IL1RAPL1: variants seen among roughly 807,000 people sequenced by gnomAD.
The protein encoded by IL1RAPL1 is interleukin-1 receptor accessory protein-like 1.
IL1RAPL1 carries 3 observed loss-of-function variants against 48.4 expected under a neutral mutation model. The observed-to-expected ratio is 0.06, with a 90% CI of 0.03 to 0.16. The LOEUF (loss-of-function observed/expected upper bound fraction) is 0.16. Ranked by LOEUF, IL1RAPL1 falls within the 10% of genes least tolerant of loss-of-function variation. The probability of loss-of-function intolerance (pLI) is 1.00; values close to 1 mark genes in which losing one functional copy is unlikely to be tolerated. For missense variants in IL1RAPL1, 349 were observed against 530.6 expected, an observed-to-expected ratio of 0.66 and a Z score of 3.36; for synonymous variants, 185 against 187.7, an observed-to-expected ratio of 0.99 and a Z score of 0.12.
intron 5 of IL1RAPL1, among the ~76,000 whole-genome samples, chrX:29,627,657 C>G (rs1435241964): frequency 9.0e-6 from 1 of 111,581 alleles, no homozygotes; most frequent in East Asian, 2.8e-4. Context: ...TGGTGGTGTT[C>G]CATCACATTA....
At chrX:29,592,747 A>G (rs1021384846) in intron 5 of IL1RAPL1, among the ~76,000 whole-genome samples, 3 of 105,551 alleles carry the variant, frequency 2.8e-5, no homozygotes, top group Non-Finnish European at 5.8e-5. Context: ...AACTGCCAGC[A>G]TGATTCTGAG....
At chrX:29,951,084 G>A (rs759139147) in intron 9 of IL1RAPL1, among the ~76,000 whole-genome samples, 3 of 111,882 alleles carry the variant, frequency 2.7e-5, no homozygotes, top group Non-Finnish European at 5.6e-5. Flanking sequence ...TCCTTGAGAA[G>A]TCAGAGCAGC....
intron 6 of IL1RAPL1, among the ~76,000 whole-genome samples, chrX:29,861,871 G>A (rs912282251): frequency 1.8e-5 from 2 of 110,619 alleles, no homozygotes; most frequent in African/African-American, 6.6e-5. Context: ...GTTCAGTCTT[G>A]GTCCAATAAT....
At chrX:29,344,764 A>G (rs1036251919) in intron 3 of IL1RAPL1, among the ~76,000 whole-genome samples, 1 of 111,989 alleles carries the variant, frequency 8.9e-6, no homozygotes, top group Admixed American at 9.5e-5. Context: ...CAGCCTCCCC[A>G]GTAGCTGGGA....
chrX:29,677,389 T>G (rs1926316207), intron 6 of IL1RAPL1, among the ~76,000 whole-genome samples: 1 of 112,036 alleles, frequency 8.9e-6, no homozygotes, highest in Admixed American at 9.5e-5. Flanking sequence ...GATTTTCGAT[T>G]AGCAGTGGCT....
chrX:28,625,624 G>A (rs1934331807), intron 1 of IL1RAPL1, among the ~76,000 whole-genome samples: 1 of 111,538 alleles, frequency 9.0e-6, no homozygotes, highest in African/African-American at 3.3e-5. Flanking sequence ...GGTCATGGGA[G>A]GAGATCCTTC....
intron 2 of IL1RAPL1, among the ~76,000 whole-genome samples, chrX:29,224,024 C>T (rs1931033628): frequency 9.0e-6 from 1 of 111,358 alleles, no homozygotes; most frequent in African/African-American, 3.3e-5. Flanking sequence ...TATTGTAATA[C>T]CTTGCATATT....
At chrX:29,246,886 G>GTGTA (rs1931523884) in intron 2 of IL1RAPL1, among the ~76,000 whole-genome samples, 1 of 111,088 alleles carries the variant, frequency 9.0e-6, no homozygotes, top group East Asian at 2.8e-4. Flanking sequence ...AAGCTGTTGT[G>GTGTA]TGTATATTTA....
intron 5 of IL1RAPL1, among the ~76,000 whole-genome samples, chrX:29,406,346 G>A (rs941884629): frequency 1.8e-5 from 2 of 108,622 alleles, no homozygotes; most frequent in Non-Finnish European, 3.8e-5. Context: ...CCGAAATCGC[G>A]ACACTGCACT....
At chrX:29,644,741 A>G (rs761819901) in intron 5 of IL1RAPL1, among the ~76,000 whole-genome samples, 4 of 111,243 alleles carry the variant, frequency 3.6e-5, no homozygotes, top group African/African-American at 1.3e-4. Flanking sequence ...TAATTTTTGT[A>G]TTTTTAGTAG....
At chrX:29,778,306 A>C (rs142833589) in intron 6 of IL1RAPL1, among the ~76,000 whole-genome samples, 1,206 of 111,653 alleles carry the variant, frequency 0.011, 11 homozygotes, top group African/African-American at 0.037. Flanking sequence ...CAAAATATCT[A>C]AAATAGGGGA....
chrX:29,890,271 G>A (rs1423862926), intron 6 of IL1RAPL1, among the ~76,000 whole-genome samples: 1 of 111,716 alleles, frequency 9.0e-6, no homozygotes, highest in African/African-American at 3.3e-5. Flanking sequence ...GTAACTAAGA[G>A]GGAGGCCATA....
chrX:28,845,682 A>G (rs183483560), intron 2 of IL1RAPL1, among the ~76,000 whole-genome samples: 426 of 112,179 alleles, frequency 3.8e-3, no homozygotes, highest in Non-Finnish European at 6.7e-3. Flanking sequence ...CCTCATATAA[A>G]GTATAAATAA....
At chrX:29,881,000 C>G (rs183929758) in intron 6 of IL1RAPL1, among the ~76,000 whole-genome samples, 2 of 111,545 alleles carry the variant, frequency 1.8e-5, no homozygotes, top group East Asian at 5.6e-4. Flanking sequence ...GTTCCAGTTA[C>G]ATTTTATTTG....
chrX:29,609,559 T>C (rs1182194719), intron 5 of IL1RAPL1, among the ~76,000 whole-genome samples: 1 of 112,057 alleles, frequency 8.9e-6, no homozygotes, highest in Non-Finnish European at 1.9e-5. Flanking sequence ...TAGCCTTCAA[T>C]GATCATCAGT....
At chrX:28,892,731 G>A (rs920269814) in intron 2 of IL1RAPL1, among the ~76,000 whole-genome samples, 2 of 111,103 alleles carry the variant, frequency 1.8e-5, no homozygotes, top group Admixed American at 9.6e-5. Flanking sequence ...TAGAGTGGGA[G>A]GGATTAAGCT....
chrX:28,906,523 G>A (rs1369304263), intron 2 of IL1RAPL1, among the ~76,000 whole-genome samples: 1 of 111,683 alleles, frequency 9.0e-6, no homozygotes, highest in African/African-American at 3.3e-5. Context: ...CATTAAGAAG[G>A]AAGTAAGTGG....
At chrX:29,089,313 A>G (rs905744524) in intron 2 of IL1RAPL1, among the ~76,000 whole-genome samples, 4 of 111,316 alleles carry the variant, frequency 3.6e-5, no homozygotes, top group Admixed American at 2.9e-4. Flanking sequence ...ATGCATATAC[A>G]TTGCAAAATG....
chrX:29,824,884 A>ATTCAGTTTGCTGTCTATCGGTGTCC (rs1930699293), intron 6 of IL1RAPL1, among the ~76,000 whole-genome samples: 1 of 108,184 alleles, frequency 9.2e-6, no homozygotes, highest in African/African-American at 3.4e-5. Context: ...GAAATTAGCC[A>ATTCAGTTTGCTGTCTATCGGTGTCC]AACACAATCA....
Sources: gnomAD v4.1 joint callset for allele counts (sites outside exome capture counted in the v4.1 genomes callset) on GRCh38, gnomAD v4.1.1 for gene constraint, MANE v1.5 for transcripts, NCBI Gene and HGNC (gene_info 2026-07-23, HGNC 2026-07-21) for gene names.